TNRC18: variants seen among roughly 807,000 people sequenced by gnomAD.
The protein encoded by TNRC18 is trinucleotide repeat-containing gene 18 protein.
TNRC18 carries 69 observed loss-of-function variants against 226.7 expected under a neutral mutation model. The ratio of observed to expected loss-of-function variants is 0.30; its 90% CI spans 0.25 to 0.37. TNRC18 has a LOEUF of 0.37. Among genes scored for constraint, TNRC18 ranks in the 10% least tolerant of loss-of-function variants. TNRC18 has a pLI of 1.00. For synonymous variants in TNRC18, 2,449 were observed against 1,927.6 expected, an observed-to-expected ratio of 1.27 and a Z score of -7.09; for missense variants, 4,754 against 4,256.6, an observed-to-expected ratio of 1.12 and a Z score of -3.25.
At chr7:5,325,600 A>G (rs1788833928) in intron 19 of TNRC18, 1 of 255,768 alleles carries the variant, frequency 3.9e-6, no homozygotes, top group South Asian at 4.1e-5. Flanking sequence ...ATGTTTTTGT[A>G]TTTTCAGTAG....
Position 5,362,736 on chromosome 7 carries a change from C to G in TNRC18, c.4309G>C (p.Val1437Leu), listed in dbSNP as rs147458296. The G allele has an allele frequency of 6.4e-7, 1 of 1,573,066 alleles. No individual in the cohort carries two copies. The highest frequency in any genetic ancestry group is 1.2e-5 in the South Asian group (1 of 85,558). Residue 1437 changes from valine (V) to leucine (L), a missense_variant, in exon 12 of 30, where the codon GTG (valine) becomes CTG (leucine). Physicochemically the swap from Val to Leu is conservative, Grantham distance 32 (BLOSUM62 1). Transcript: ENST00000430969. ...HMLREVLDGP[V>L]VDPLKNLRLP... ...CGCAGGTTCTTGAGTGGGTCCACCA[C>G]GGGCCCATCCAGCACCTCCCTCAGC...
At chr7:5,345,833 C>G in intron 17 of TNRC18, 23 bp from the exon 18 acceptor site, 1 of 1,531,966 alleles carries the variant, frequency 6.5e-7, no homozygotes, top group Non-Finnish European at 8.8e-7. Flanking sequence ...AAACAGGGAC[C>G]GAGTCAGAGC....
chr7:5,396,294 G>A (rs1199064690), intron 2 of TNRC18, among the ~76,000 whole-genome samples: 2 of 152,106 alleles, frequency 1.3e-5, no homozygotes, highest in African/African-American at 4.8e-5. Context: ...GTTGCAGTGA[G>A]CTGAGATCGT....
chr7:5,412,395 G>A (rs1448910769), intron 2 of TNRC18, among the ~76,000 whole-genome samples: 1 of 152,028 alleles, frequency 6.6e-6, no homozygotes, highest in Non-Finnish European at 1.5e-5. Context: ...GGCCAACATG[G>A]TTAAACCCCA....
Position 5,374,414 on chromosome 7 carries a change from G to C in TNRC18, c.2870C>G (p.Ala957Gly), listed in dbSNP as rs1261255369. ...GGTGGCCAGGCCAGCCTTGCCCGCA[G>C]CCTCCAGGCCCCGCTTGCTCCCCTT... The part of the protein sequence containing the change: ...EEKGSKRGLE[A>G]AGKAGLATAG... The change falls in exon 10 of 30, where the codon GCT becomes GGT. Residue 957 changes from alanine (A) to glycine (G), a missense_variant. Physicochemically the swap from Ala to Gly is moderately conservative, Grantham distance 60 (BLOSUM62 0). Transcript: ENST00000430969. 2.0e-6 allele frequency: 3 copies of C among 1,537,066 alleles called. No individual in the cohort carries two copies. Among genetic ancestry groups the C allele is most frequent in the African/African-American group, 2.8e-5 (2 of 71,188 alleles).
chr7:5,347,898 T>C (rs189208419), intron 17 of TNRC18, among the ~76,000 whole-genome samples: 169 of 149,116 alleles, frequency 1.1e-3, no homozygotes, highest in Non-Finnish European at 2.2e-3. Flanking sequence ...GAGGTTACAG[T>C]GAGCCGCGAT....
chr7:5,385,494 C>CAAAAA (rs60919833), intron 5 of TNRC18, among the ~76,000 whole-genome samples: 2 of 88,122 alleles, frequency 2.3e-5, no homozygotes, highest in African/African-American at 3.6e-5. Context: ...GACTCCGTCT[C>CAAAAA]AAAAAAAAAA....
At chr7:5,316,109 A>T in intron 24 of TNRC18, 37 bp from the exon 25 acceptor site, 1 of 1,520,866 alleles carries the variant, frequency 6.6e-7, no homozygotes, top group Non-Finnish European at 9.1e-7. Context: ...AGGCCCTCGG[A>T]CCTCCAGCTC....
rs13234328 is a variant in TNRC18 at position 5,394,967 on chromosome 7, G to A, written c.188-372C>T. ...CAGGTGGAATCCTGAAGTCGGTGGCGCACTGGGACTTCCAGAGGCCACAGG... is the reference window on the plus strand; with the variant it reads ...CAGGTGGAATCCTGAAGTCGGTGGCACACTGGGACTTCCAGAGGCCACAGG... On this transcript the variant is annotated intron_variant, in intron 2 of 29. Coordinates refer to ENST00000430969, the MANE Select transcript of TNRC18 (RefSeq NM_001080495.3). The surrounding 1 kb of genome is among the most constrained non-coding windows in gnomAD (Gnocchi z 4.5). Among the ~76,000 whole-genome samples, 78,688 of 151,966 alleles carry A rather than the reference G, an allele frequency of 0.52. 20,762 individuals are homozygous for A. The highest frequency in any genetic ancestry group is 0.57 in the Admixed American group (8,644 of 15,280).
Position 5,388,121 on chromosome 7 carries a change from G to A in TNRC18, c.1703C>T (p.Pro568Leu), listed in dbSNP as rs1237230227. ...LPRSAATCGRPVADMHSAAHG... is the reference protein window; with the variant it reads ...LPRSAATCGRLVADMHSAAHG... Reference sequence around the variant, plus strand: ...GGCCGCAGAGTGCATGTCAGCGACCGGCCGGCCGCAGGTGGCCGCCGAGCG... The same window carrying A: ...GGCCGCAGAGTGCATGTCAGCGACCAGCCGGCCGCAGGTGGCCGCCGAGCG... Residue 568 changes from proline (P) to leucine (L), a missense_variant, in exon 5 of 30, where the codon CCG (proline) becomes CTG (leucine). Coordinates refer to ENST00000430969, the MANE Select transcript of TNRC18 (RefSeq NM_001080495.3). 20 of 1,553,222 alleles carry A rather than the reference G, an allele frequency of 1.3e-5. No homozygotes were observed. The highest frequency in any genetic ancestry group is 2.7e-5 in the African/African-American group (2 of 73,298).
At chr7:5,333,633 C>G (rs184433103) in intron 18 of TNRC18, among the ~76,000 whole-genome samples, 28 of 152,256 alleles carry the variant, frequency 1.8e-4, no homozygotes, top group African/African-American at 6.5e-4. Context: ...TCCCAGCTCC[C>G]GGGCTGCTTG....
In TNRC18 at chr7:5,309,447, G is replaced by A. The variant is rs1390380549; in HGVS notation, c.8389-79C>T. Reference sequence around the variant, plus strand: ...GCCGCCTGGCAGGCTCTGCCGCTTGGGACTCTGGGCCCTCGGCCTCTAAAT... The same window carrying A: ...GCCGCCTGGCAGGCTCTGCCGCTTGAGACTCTGGGCCCTCGGCCTCTAAAT... On this transcript the variant is annotated intron_variant, in intron 27 of 29. Coordinates refer to ENST00000430969, the MANE Select transcript of TNRC18 (RefSeq NM_001080495.3). The surrounding 1 kb of genome is among the most constrained non-coding windows in gnomAD (Gnocchi z 5.7). The A allele has an allele frequency of 3.0e-6, 4 of 1,323,602 alleles. No homozygotes were observed. The highest frequency in any genetic ancestry group is 2.5e-5 in the East Asian group (1 of 39,786). The allele number at this position is 1,323,602 out of a possible 1,614,324, so 82.0% of individuals were successfully genotyped here. A position where few individuals can be genotyped will look rare whatever the true frequency, so the allele number is the denominator to read the frequency against.
intron 2 of TNRC18, among the ~76,000 whole-genome samples, chr7:5,402,160 C>T (rs1461423230): frequency 8.2e-6 from 1 of 122,640 alleles, no homozygotes; most frequent in Non-Finnish European, 1.6e-5. Flanking sequence ...GCCTGGGCAA[C>T]ACAGCGAGAC....
chr7:5,320,803 G>A lies in TNRC18; in HGVS notation c.6561-196C>T, dbSNP rs1454620297. 4.8e-6 allele frequency: 3 copies of A among 625,652 alleles called. No individual in the cohort carries two copies. The East Asian group carries it at 8.2e-5, about 17-fold the overall frequency. The allele number at this position is 625,652 out of a possible 1,614,324, so 38.8% of individuals were successfully genotyped here. ...TCATCTGTAGGACTAGGGGTTGCAAGGCACAGTCCAGATCCTGAGAGAGGC... is the reference window on the plus strand; with the variant it reads ...TCATCTGTAGGACTAGGGGTTGCAAAGCACAGTCCAGATCCTGAGAGAGGC... On this transcript the variant is annotated intron_variant, in intron 22 of 29. Coordinates refer to ENST00000430969, the MANE Select transcript of TNRC18 (RefSeq NM_001080495.3).
intron 4 of TNRC18, 29 bp from the exon 5 acceptor site, chr7:5,389,365 G>T: frequency 8.0e-7 from 1 of 1,245,008 alleles, no homozygotes; most frequent in Non-Finnish European, 1.0e-6. Flanking sequence ...CAGGCAGTGA[G>T]CGAGCGCCAC....
At position 5,324,900 on chromosome 7, in the gene TNRC18, G is replaced by T. The variant is rs1259136992; in HGVS notation, c.6300+196C>A. ...CCCCGCTAGAGCAGACATTTCCTGA[G>T]GACAGGAGCAGAGTCCCCAGTATCT... On this transcript the variant is annotated intron_variant, in intron 20 of 29. Transcript: ENST00000430969. This position sits in a 1 kb window ranked among gnomAD's most constrained non-coding sequence, Gnocchi z 4.8. Among the ~76,000 whole-genome samples the T allele has an allele frequency of 1.3e-5, 2 of 152,190 alleles. No homozygotes were observed. Among genetic ancestry groups the T allele is most frequent in the Non-Finnish European group, 2.9e-5 (2 of 68,030 alleles).
chr7:5,384,216 C>A (rs1479409136), intron 5 of TNRC18, among the ~76,000 whole-genome samples: 1 of 152,192 alleles, frequency 6.6e-6, no homozygotes, highest in African/African-American at 2.4e-5. Flanking sequence ...GATCCACCCG[C>A]CTCGGTCTCC....
At position 5,345,517 on chromosome 7, in the gene TNRC18, G is replaced by GCCTCCCCCCCCCCCCCCCCCC; in HGVS notation, c.5719+44_5719+45insGGGGGGGGGGGGGGGGGGAGG. On this transcript the variant is annotated intron_variant, in intron 18 of 29. Coordinates refer to ENST00000430969, the MANE Select transcript of TNRC18 (RefSeq NM_001080495.3). ...CCTGTGGGATGGGGCAATGGCGTCC[G>GCCTCCCCCCCCCCCCCCCCCC]CCCCTCCCACCCACCCCCACCGCAG... 5.3e-6 allele frequency: 2 copies of GCCTCCCCCCCCCCCCCCCCCC among 377,744 alleles called. 1 individual carries two copies. The highest frequency in any genetic ancestry group is 9.7e-6 in the Non-Finnish European group (2 of 207,166). 23.4% of individuals were successfully genotyped at this position (377,744 alleles called of 1,614,324 possible). A position where few individuals can be genotyped will look rare whatever the true frequency, so the allele number is the denominator to read the frequency against.
chr7:5,386,129 G>A (rs545067403), intron 5 of TNRC18, among the ~76,000 whole-genome samples: 13 of 149,430 alleles, frequency 8.7e-5, no homozygotes, highest in African/African-American at 9.9e-5. Flanking sequence ...TCTACTAAAA[G>A]ATACAAAAGT....
Sources: gnomAD v4.1 joint callset for allele counts (sites outside exome capture counted in the v4.1 genomes callset) on GRCh38, gnomAD v4.1.1 for gene constraint, Gnocchi (gnomAD v3.1) non-coding constraint, MANE v1.5 for transcripts, NCBI Gene and HGNC (gene_info 2026-07-23, HGNC 2026-07-21) for gene names.